The following SLC38A12 variants were observed in gnomAD, a reference collection of about 807,000 sequenced individuals.
SLC38A12 encodes the protein solute carrier family 38 member 12.
At chr17:74,795,446 C>T in the SLC38A12 span, 1 of 1,288,774 alleles carries the variant, frequency 7.8e-7, no homozygotes, top group Non-Finnish European at 1.1e-6. Flanking sequence ...GGCAGCTGTG[C>T]AGGGAGTGGC....
At chr17:74,782,161 G>A in the SLC38A12 span, among the ~76,000 whole-genome samples, 1 of 152,242 alleles carries the variant, frequency 6.6e-6, no homozygotes, top group South Asian at 2.1e-4. Context: ...TCTGCCTCCC[G>A]GGTTCAAGTG....
the SLC38A12 span, among the ~76,000 whole-genome samples, chr17:74,800,768 G>T: frequency 3.3e-5 from 5 of 149,648 alleles, no homozygotes; most frequent in Non-Finnish European, 7.4e-5. Flanking sequence ...CACTGCCCCC[G>T]AGTTTATGCA....
the SLC38A12 span, among the ~76,000 whole-genome samples, chr17:74,780,479 C>T: frequency 8.5e-5 from 13 of 152,210 alleles, no homozygotes; most frequent in African/African-American, 2.9e-4. Context: ...ATTATCAAGA[C>T]TGCAGTAGAG....
chr17:74,819,907 T>A, the SLC38A12 span: 2 of 1,452,906 alleles, frequency 1.4e-6, no homozygotes, highest in South Asian at 2.3e-5. Context: ...TCTCCTTTCA[T>A]GAGAGGCCGT....
At chr17:74,798,814 G>A in the SLC38A12 span, among the ~76,000 whole-genome samples, 1 of 137,924 alleles carries the variant, frequency 7.3e-6, no homozygotes, top group Non-Finnish European at 1.5e-5. Flanking sequence ...TCTTTCAAAC[G>A]GGTAACCTTG....
At chr17:74,781,251 CTT>C in the SLC38A12 span, among the ~76,000 whole-genome samples, 1 of 152,186 alleles carries the variant, frequency 6.6e-6, no homozygotes, top group South Asian at 2.1e-4. Context: ...ACAAATGCCT[CTT>C]ATACTGTTTA....
chr17:74,788,887 C>T, the SLC38A12 span: 38 of 1,607,630 alleles, frequency 2.4e-5, no homozygotes, highest in Middle Eastern at 1.6e-4. Context: ...GTGTTGCCCT[C>T]GTCTCCGGGC....
chr17:74,836,210 C>T, the SLC38A12 span: 11 of 1,612,104 alleles, frequency 6.8e-6, no homozygotes, highest in Admixed American at 6.7e-5. This position sits in a 1 kb window ranked among gnomAD's most constrained non-coding sequence, Gnocchi z 4.2. Flanking sequence ...TGGACATGTA[C>T]ACCCTCAACT....
chr17:74,833,842 C>T, the SLC38A12 span, among the ~76,000 whole-genome samples: 1 of 152,318 alleles, frequency 6.6e-6, no homozygotes, highest in African/African-American at 2.4e-5. Flanking sequence ...TGCCCTACAG[C>T]AGCTGCCCCC....
At chr17:74,778,802 G>A in the SLC38A12 span, among the ~76,000 whole-genome samples, 2 of 151,956 alleles carry the variant, frequency 1.3e-5, no homozygotes, top group South Asian at 4.2e-4. Flanking sequence ...CCAAGTAGCT[G>A]GGACTACAGG....
the SLC38A12 span, chr17:74,838,900 G>A: frequency 1.3e-6 from 2 of 1,535,724 alleles, no homozygotes; most frequent in Non-Finnish European, 1.7e-6. Context: ...GGCCCCCGGG[G>A]TCAGTGATGG....
At chr17:74,832,486 G>T in the SLC38A12 span, among the ~76,000 whole-genome samples, 5 of 152,232 alleles carry the variant, frequency 3.3e-5, no homozygotes, top group African/African-American at 1.2e-4. Context: ...TTTTGGGGGC[G>T]TGGCTCTTCT....
the SLC38A12 span, among the ~76,000 whole-genome samples, chr17:74,828,203 C>T: frequency 6.6e-6 from 1 of 152,226 alleles, no homozygotes; most frequent in African/African-American, 2.4e-5. Context: ...TGGCACGGGG[C>T]TTGGGGCGCC....
the SLC38A12 span, among the ~76,000 whole-genome samples, chr17:74,789,453 C>T: frequency 4.7e-4 from 71 of 149,652 alleles, no homozygotes; most frequent in Admixed American, 7.4e-4. Context: ...TTGCGTGAAT[C>T]GGGGAGGTGA....
At chr17:74,778,731 C>T in the SLC38A12 span, among the ~76,000 whole-genome samples, 1 of 147,096 alleles carries the variant, frequency 6.8e-6, no homozygotes, top group East Asian at 2.0e-4. Context: ...TCACTGCAAC[C>T]TCTGCCTCCC....
chr17:74,778,567 G>C, the SLC38A12 span, among the ~76,000 whole-genome samples: 1 of 151,452 alleles, frequency 6.6e-6, no homozygotes, highest in Non-Finnish European at 1.5e-5. Flanking sequence ...TTCCTATTGG[G>C]CCTGTGCCAT....
the SLC38A12 span, among the ~76,000 whole-genome samples, chr17:74,818,659 G>A: frequency 1.3e-5 from 2 of 152,170 alleles, no homozygotes; most frequent in South Asian, 2.1e-4. Flanking sequence ...AAGTGGGCCC[G>A]CTCCCCACAT....
At chr17:74,836,661 A>G in the SLC38A12 span, 3 of 1,608,070 alleles carry the variant, frequency 1.9e-6, no homozygotes, top group Admixed American at 3.3e-5. This position sits in a 1 kb window ranked among gnomAD's most constrained non-coding sequence, Gnocchi z 4.2. Context: ...CACGGCCAAT[A>G]TCATCCTCAG....
At chr17:74,789,103 C>T in the SLC38A12 span, among the ~76,000 whole-genome samples, 1 of 152,232 alleles carries the variant, frequency 6.6e-6, no homozygotes, top group African/African-American at 2.4e-5. Context: ...ACACCCGCAC[C>T]CAGCTCAGCT....
Sources: allele counts gnomAD v4.1 joint callset (sites outside exome capture counted in the v4.1 genomes callset), GRCh38; gene constraint gnomAD v4.1.1; non-coding constraint Gnocchi (gnomAD v3.1); transcripts MANE v1.5; gene names NCBI Gene and HGNC (gene_info 2026-07-23, HGNC 2026-07-21).